Variants in AOAH observed in about 807,000 individuals in gnomAD.
AOAH encodes the protein acyloxyacyl hydrolase (neutrophil).
In AOAH, 64 loss-of-function variants were observed where a neutral mutation model predicts 92.2. The ratio of observed to expected loss-of-function variants is 0.69; its 90% CI spans 0.57 to 0.86. The LOEUF (loss-of-function observed/expected upper bound fraction) is 0.86. Among genes scored for constraint, AOAH ranks in the 40% least tolerant of loss-of-function variants. The pLI, the probability that AOAH is intolerant of heterozygous loss-of-function variation, is 0.00. For synonymous variants in AOAH, 263 were observed against 254.5 expected (o/e 1.03, Z -0.32); for missense variants, 656 against 694.6 (o/e 0.94, Z 0.62).
At chr7:36,607,189 C>T (rs979151930) in intron 11 of AOAH, among the ~76,000 whole-genome samples, 26 of 152,126 alleles carry the variant, frequency 1.7e-4, no homozygotes, top group African/African-American at 5.3e-4. Context: ...GGGTCATGTA[C>T]GCACAGATGT....
intron 11 of AOAH, among the ~76,000 whole-genome samples, chr7:36,597,361 C>G (rs892912447): frequency 6.6e-6 from 1 of 152,134 alleles, no homozygotes; most frequent in African/African-American, 2.4e-5. Context: ...CACTACAAAG[C>G]AAAACTTTTC....
chr7:36,537,481 A>G, intron 16 of AOAH, among the ~76,000 whole-genome samples: 1 of 148,884 alleles, frequency 6.7e-6, no homozygotes, highest in East Asian at 2.0e-4. Context: ...GCCTCTACTC[A>G]CTAGATGCTA....
chr7:36,721,963 C>T (rs1414287608), intron 1 of AOAH, among the ~76,000 whole-genome samples: 1 of 152,138 alleles, frequency 6.6e-6, no homozygotes, highest in Non-Finnish European at 1.5e-5. Flanking sequence ...GGTAAGAAAG[C>T]CTACTACCCA....
chr7:36,700,331 C>T (rs1288418447), intron 1 of AOAH, among the ~76,000 whole-genome samples: 1 of 152,006 alleles, frequency 6.6e-6, no homozygotes, highest in South Asian at 2.1e-4. Flanking sequence ...ACTCCTTTCC[C>T]TTCCTTCACT....
intron 13 of AOAH, among the ~76,000 whole-genome samples, chr7:36,569,841 G>C (rs1788007882): frequency 6.6e-6 from 1 of 152,076 alleles, no homozygotes; most frequent in African/African-American, 2.4e-5. Context: ...TCAAACTCCT[G>C]ACCTCAAGTA....
intron 19 of AOAH, among the ~76,000 whole-genome samples, chr7:36,523,629 G>GTTTTTTTTTTTTTTTTTTTTTTTTTTT: frequency 1.0e-5 from 1 of 100,138 alleles, no homozygotes; most frequent in African/African-American, 4.1e-5. Flanking sequence ...TGTTTTGCCT[G>GTTTTTTTTTTTTTTTTTTTTTTTTTTT]TTTTTTTTTT....
chr7:36,680,431 C>T (rs892979782), intron 2 of AOAH, among the ~76,000 whole-genome samples: 1 of 152,206 alleles, frequency 6.6e-6, no homozygotes. Context: ...TAATACTTCA[C>T]TGAAAAATAA....
chr7:36,640,833 GACCCC>G (rs1793851023), intron 4 of AOAH, among the ~76,000 whole-genome samples: 1 of 152,174 alleles, frequency 6.6e-6, no homozygotes, highest in African/African-American at 2.4e-5. Flanking sequence ...GCTAGAGAAG[GACCCC>G]AGCCTGGCCG....
intron 13 of AOAH, among the ~76,000 whole-genome samples, chr7:36,549,763 C>T (rs1786063161): frequency 1.3e-5 from 2 of 152,252 alleles, no homozygotes; most frequent in South Asian, 4.1e-4. Context: ...ATGAGTAAAT[C>T]TTCTAGTAGA....
rs1171869913 is a variant in AOAH at position 36,724,289 on chromosome 7, C to T, written c.-141G>A. On this transcript the variant is annotated 5_prime_UTR_variant, in exon 1 of 21. In the 5' UTR this introduces an upstream ATG that the reference lacks. Coordinates refer to ENST00000617537, the MANE Select transcript of AOAH (RefSeq NM_001637.4). Reference sequence around the variant, plus strand: ...TTGACACACACACCCCACCCTCTCACATACACACTTTTCAATAAGTGTGAA... The same window carrying T: ...TTGACACACACACCCCACCCTCTCATATACACACTTTTCAATAAGTGTGAA... The T allele has an allele frequency of 1.1e-6, 1 of 887,332 alleles. No individual in the cohort carries two copies. 55.0% of individuals were successfully genotyped at this position (887,332 alleles called of 1,614,324 possible). A position where few individuals can be genotyped will look rare whatever the true frequency, so the allele number is the denominator to read the frequency against.
intron 2 of AOAH, among the ~76,000 whole-genome samples, chr7:36,680,829 A>G (rs139896894): frequency 4.1e-3 from 630 of 152,302 alleles, no homozygotes; most frequent in African/African-American, 0.015. Flanking sequence ...ACTGAAAACC[A>G]AAATATTTAT....
intron 12 of AOAH, among the ~76,000 whole-genome samples, chr7:36,591,774 G>T (rs1789763457): frequency 6.6e-6 from 1 of 152,198 alleles, no homozygotes; most frequent in African/African-American, 2.4e-5. Context: ...ACTGAACAGA[G>T]TCTGTTTGGG....
intron 4 of AOAH, among the ~76,000 whole-genome samples, chr7:36,646,587 T>C (rs887842620): frequency 2.6e-5 from 4 of 152,252 alleles, no homozygotes; most frequent in Non-Finnish European, 5.9e-5. Flanking sequence ...CTGTAACTAA[T>C]GACCGTAAAC....
chr7:36,548,588 A>G, intron 15 of AOAH, 24 bp downstream of exon 15: 1 of 1,603,256 alleles, frequency 6.2e-7, no homozygotes, highest in Non-Finnish European at 8.5e-7. Flanking sequence ...AGAATCTTGA[A>G]AATACTTTTT....
At chr7:36,597,857 G>A (rs2718177) in intron 11 of AOAH, 91,523 of 152,054 alleles carry the variant, frequency 0.6, 28,345 homozygotes, top group African/African-American at 0.75. Flanking sequence ...TCTAGAAATC[G>A]GATGATCTGT....
intron 1 of AOAH, 38 bp from the exon 2 acceptor site, chr7:36,686,832 C>T: frequency 1.4e-6 from 2 of 1,387,134 alleles, no homozygotes; most frequent in Non-Finnish European, 1.9e-6. Flanking sequence ...CTGTGTCACA[C>T]AGAAAACTGA....
rs547805779 is a variant in AOAH at position 36,567,197 on chromosome 7, C to A, written c.1021+9377G>T. Among the ~76,000 whole-genome samples the A allele has an allele frequency of 5.3e-5, 8 of 152,306 alleles. No homozygotes were observed. In the East Asian group the frequency reaches 1.4e-3, roughly 26 times the overall value. The stretch of plus-strand genomic sequence containing the variant: ...TCTGCCCAATGCCCCCAATCGAATT[C>A]TTTCTTCTGAGGAGGCAAGAATTGA... On this transcript the variant is annotated intron_variant, in intron 13 of 20. Coordinates refer to ENST00000617537, the MANE Select transcript of AOAH (RefSeq NM_001637.4).
intron 13 of AOAH, among the ~76,000 whole-genome samples, chr7:36,549,819 G>A (rs1036416033): frequency 6.6e-6 from 1 of 152,150 alleles, no homozygotes; most frequent in Non-Finnish European, 1.5e-5. Context: ...ACAAACTACC[G>A]AAAATATTCA....
At chr7:36,524,627 G>T (rs1289969485) in intron 19 of AOAH, among the ~76,000 whole-genome samples, 1 of 152,048 alleles carries the variant, frequency 6.6e-6, no homozygotes, top group African/African-American at 2.4e-5. Flanking sequence ...AGTGAGCCAA[G>T]ATTGCGCCAC....
Sources: gnomAD v4.1 joint callset for allele counts (sites outside exome capture counted in the v4.1 genomes callset) on GRCh38, gnomAD v4.1.1 for gene constraint, MANE v1.5 for transcripts, NCBI Gene and HGNC (gene_info 2026-07-23, HGNC 2026-07-21) for gene names.